The following TEX11 variants were observed in gnomAD, a reference collection of about 807,000 sequenced individuals.
The protein encoded by TEX11 is testis-expressed protein 11.
TEX11 carries 7 observed loss-of-function variants against 84.4 expected under a neutral mutation model. The ratio of observed to expected loss-of-function variants is 0.08; its 90% CI spans 0.05 to 0.16. The LOEUF (loss-of-function observed/expected upper bound fraction) is 0.16. TEX11 is among the 10% of genes least tolerant of loss of function. The pLI, the probability that TEX11 is intolerant of heterozygous loss-of-function variation, is 1.00. For synonymous variants in TEX11, 264 were observed against 222.8 expected (o/e 1.18, Z -1.64); for missense variants, 551 against 660.5 (o/e 0.83, Z 1.82).
intron 13 of TEX11, among the ~76,000 whole-genome samples, chrX:70,716,642 C>T (rs1013841956): frequency 1.3e-4 from 15 of 112,425 alleles, no homozygotes; most frequent in East Asian, 5.6e-4. Context: ...ATTGGAAAAG[C>T]GCAGTATTAT....
chrX:70,823,071 A>T (rs774978003), intron 8 of TEX11, among the ~76,000 whole-genome samples: 1 of 111,088 alleles, frequency 9.0e-6, no homozygotes, highest in East Asian at 2.8e-4. Context: ...ACAGCCTTAA[A>T]AGAAAAGGAA....
chrX:70,615,717 A>G (rs774816042), intron 20 of TEX11, among the ~76,000 whole-genome samples: 1 of 112,000 alleles, frequency 8.9e-6, no homozygotes, highest in East Asian at 2.8e-4. Context: ...AACCCAAAGA[A>G]GACTACCTCA....
intron 10 of TEX11, among the ~76,000 whole-genome samples, chrX:70,741,160 G>A (rs900468514): frequency 1.4e-4 from 16 of 111,317 alleles, no homozygotes; most frequent in Admixed American, 2.9e-4. Context: ...TTATTATCGT[G>A]GAACAACTCT....
intron 16 of TEX11, among the ~76,000 whole-genome samples, chrX:70,663,044 G>C (rs2089944956): frequency 9.0e-6 from 1 of 111,569 alleles, no homozygotes; most frequent in South Asian, 3.8e-4. Flanking sequence ...GTAATGACTT[G>C]CAAGGGTTCC....
chrX:70,544,757 T>G lies in TEX11; in HGVS notation c.2520+7369A>C, dbSNP rs7055731. 6.1e-3 allele frequency among the ~76,000 whole-genome samples: 614 copies of G among 101,019 alleles called. 5 individuals are homozygous for G. Among genetic ancestry groups the G allele is most frequent in the African/African-American group, 0.021 (554 of 26,627 alleles). The allele number at this position is 101,019 out of a possible 115,157, so 87.7% of individuals were successfully genotyped here. A position where few individuals can be genotyped will look rare whatever the true frequency, so the allele number is the denominator to read the frequency against. On this transcript the variant is annotated intron_variant, in intron 28 of 29. Coordinates refer to ENST00000374333, the MANE Select transcript of TEX11 (RefSeq NM_031276.3). Reference sequence around the variant, plus strand: ...GGGAGGCTGAGGCAGGAGAATCACTTGAGCCTGGGAGGCAGAGGTTGCAGT... The same window carrying G: ...GGGAGGCTGAGGCAGGAGAATCACTGGAGCCTGGGAGGCAGAGGTTGCAGT...
At chrX:70,663,296 C>G (rs377108930) in intron 16 of TEX11, among the ~76,000 whole-genome samples, 3 of 111,485 alleles carry the variant, frequency 2.7e-5, no homozygotes, top group African/African-American at 9.8e-5. Context: ...TAAGAAAATC[C>G]ATTTCATTGT....
At chrX:70,783,028 A>T (rs2091052208) in intron 9 of TEX11, among the ~76,000 whole-genome samples, 1 of 111,575 alleles carries the variant, frequency 9.0e-6, no homozygotes, top group Non-Finnish European at 1.9e-5. Context: ...CAGAATATAC[A>T]TTCTTCTCAG....
intron 20 of TEX11, among the ~76,000 whole-genome samples, chrX:70,616,255 A>G (rs903196933): frequency 5.4e-5 from 6 of 112,060 alleles, no homozygotes; most frequent in Admixed American, 2.9e-4. Context: ...AGTATAAGAT[A>G]TAAATAGAAA....
intron 7 of TEX11, among the ~76,000 whole-genome samples, chrX:70,840,485 A>C (rs1358541353): frequency 8.9e-6 from 1 of 111,992 alleles, no homozygotes; most frequent in Non-Finnish European, 1.9e-5. Flanking sequence ...GGAAGCGCTA[A>C]ACATGGAAAG....
chrX:70,640,122 G>A (rs2089633896), intron 17 of TEX11, among the ~76,000 whole-genome samples: 1 of 109,666 alleles, frequency 9.1e-6, no homozygotes, highest in African/African-American at 3.3e-5. Context: ...CCTGAAGAAT[G>A]CAGAAGCCTC....
intron 24 of TEX11, among the ~76,000 whole-genome samples, chrX:70,599,516 AT>A (rs1452753966): frequency 2.5e-5 from 1 of 40,160 alleles, no homozygotes. Context: ...ATCAACAAGT[AT>A]TCTTTTTTTT....
the TEX11 span, among the ~76,000 whole-genome samples, chrX:70,518,835 T>G: frequency 4.4e-5 from 5 of 112,423 alleles, no homozygotes; most frequent in Admixed American, 2.8e-4. Context: ...TTAAGATAGC[T>G]CTTCTTGTTG....
chrX:70,573,324 A>T (rs926311949), intron 25 of TEX11, among the ~76,000 whole-genome samples: 1 of 111,766 alleles, frequency 8.9e-6, no homozygotes, highest in Admixed American at 9.6e-5. Context: ...GAATGCTGCC[A>T]AAAGTGAAGA....
intron 23 of TEX11, among the ~76,000 whole-genome samples, chrX:70,606,364 C>T (rs1376773256): frequency 8.9e-6 from 1 of 112,104 alleles, no homozygotes; most frequent in African/African-American, 3.2e-5. Flanking sequence ...TTTAGTCCTT[C>T]TCCTTTTATC....
At chrX:70,609,718 TTGAGGTATAAAATTGAACTACTGCAC>T (rs2089236846) in intron 21 of TEX11, among the ~76,000 whole-genome samples, 1 of 111,900 alleles carries the variant, frequency 8.9e-6, no homozygotes, top group Non-Finnish European at 1.9e-5. Context: ...TGACAGGTAT[TTGAGGTATAAAATTGAACTACTGCAC>T]TGAGCAGGAT....
intron 9 of TEX11, among the ~76,000 whole-genome samples, chrX:70,801,629 CTTTCTTTCTTTCT>C (rs1353220571): frequency 1.2e-3 from 3 of 2,473 alleles, no homozygotes; most frequent in African/African-American, 9.0e-3. Flanking sequence ...CTTTTATTTT[CTTTCTTTCTTTCT>C]TTCTTTCTTT....
At chrX:70,868,475 T>A (rs747834967) in intron 4 of TEX11, among the ~76,000 whole-genome samples, 4 of 111,668 alleles carry the variant, frequency 3.6e-5, no homozygotes, top group Non-Finnish European at 7.5e-5. Flanking sequence ...TGGCGATTCC[T>A]CTGGTTTCTA....
At chrX:70,528,156 C>T (rs1440672333), downstream of TEX11, among the ~76,000 whole-genome samples, 1 of 111,536 alleles carries the variant, frequency 9.0e-6, no homozygotes, top group Non-Finnish European at 1.9e-5. Flanking sequence ...CAAAGATAGG[C>T]CTGGCTTCTG....
chrX:70,776,814 G>T (rs753153745), intron 9 of TEX11, among the ~76,000 whole-genome samples: 1 of 110,453 alleles, frequency 9.1e-6, no homozygotes, highest in East Asian at 2.9e-4. Context: ...CAAATATATA[G>T]TTGGAAGGAA....
Sources: gnomAD v4.1 joint callset for allele counts (sites outside exome capture counted in the v4.1 genomes callset) on GRCh38, gnomAD v4.1.1 for gene constraint, MANE v1.5 for transcripts, NCBI Gene and HGNC (gene_info 2026-07-23, HGNC 2026-07-21) for gene names.